The following TRAPPC9 variants were observed in gnomAD, a reference collection of about 807,000 sequenced individuals.
TRAPPC9 encodes the protein trafficking protein particle complex subunit 9.
Under a neutral mutation model 124.0 loss-of-function variants are expected in TRAPPC9, and 83 were observed. The observed-to-expected ratio is 0.67, with a 90% CI of 0.56 to 0.80. The LOEUF (loss-of-function observed/expected upper bound fraction) is 0.80. TRAPPC9 is among the 30% of genes least tolerant of loss of function. The probability of loss-of-function intolerance (pLI) is 0.00; values close to 1 mark genes in which losing one functional copy is unlikely to be tolerated. For synonymous variants in TRAPPC9, 638 were observed against 617.5 expected (o/e 1.03, Z -0.49); for missense variants, 1,302 against 1,508.3 (o/e 0.86, Z 2.27).
At chr8:139,786,215 C>T (rs1822235601) in intron 21 of TRAPPC9, among the ~76,000 whole-genome samples, 2 of 152,076 alleles carry the variant, frequency 1.3e-5, no homozygotes, top group Non-Finnish European at 2.9e-5. Flanking sequence ...CTCAAACAAA[C>T]AAACAAATAA....
At chr8:140,395,502 G>A (rs1248904520) in intron 7 of TRAPPC9, among the ~76,000 whole-genome samples, 1 of 152,154 alleles carries the variant, frequency 6.6e-6, no homozygotes, top group African/African-American at 2.4e-5. Context: ...TCATGCTAAA[G>A]CGCCTCTCTT....
chr8:140,306,173 G>C (rs2066125369), intron 10 of TRAPPC9, among the ~76,000 whole-genome samples: 1 of 152,072 alleles, frequency 6.6e-6, no homozygotes, highest in African/African-American at 2.4e-5. Context: ...ATCTTGCTTT[G>C]ACAAGAAAAA....
intron 9 of TRAPPC9, among the ~76,000 whole-genome samples, chr8:140,331,120 ACTTG>A (rs1297358449): frequency 2.6e-5 from 4 of 151,918 alleles, no homozygotes; most frequent in African/African-American, 9.7e-5. Context: ...ATAAAAACAG[ACTTG>A]TAGACCAATT....
intron 17 of TRAPPC9, among the ~76,000 whole-genome samples, chr8:140,061,040 G>A (rs979442898): frequency 2.6e-5 from 4 of 152,318 alleles, no homozygotes; most frequent in Admixed American, 1.3e-4. Context: ...CCCCACCTCC[G>A]ATGATGATTC....
chr8:139,792,015 G>A (rs529913592), intron 21 of TRAPPC9, among the ~76,000 whole-genome samples: 12 of 152,226 alleles, frequency 7.9e-5, no homozygotes, highest in Admixed American at 1.3e-4. Context: ...CTCCCACAGG[G>A]AGCCCTCCCT....
chr8:140,402,289 T>C (rs1350561021), intron 6 of TRAPPC9, among the ~76,000 whole-genome samples: 3 of 151,064 alleles, frequency 2.0e-5, no homozygotes, highest in Non-Finnish European at 4.4e-5. Context: ...CCAAGTGAGG[T>C]AGGAGGATGA....
At chr8:140,157,041 C>T (rs1271913553) in intron 17 of TRAPPC9, among the ~76,000 whole-genome samples, 4 of 108,210 alleles carry the variant, frequency 3.7e-5, no homozygotes, top group Admixed American at 1.8e-4. Flanking sequence ...TCAAAAGCCT[C>T]CCTTTTCCAT....
At chr8:140,305,527 C>G (rs1487819921) in intron 10 of TRAPPC9, among the ~76,000 whole-genome samples, 1 of 152,178 alleles carries the variant, frequency 6.6e-6, no homozygotes, top group Non-Finnish European at 1.5e-5. Context: ...GTCTCGAACT[C>G]CTGAGCTCAG....
At chr8:139,846,443 G>T (rs902160359) in intron 21 of TRAPPC9, among the ~76,000 whole-genome samples, 2 of 152,226 alleles carry the variant, frequency 1.3e-5, no homozygotes, top group African/African-American at 2.4e-5. Context: ...TCATCTCTCC[G>T]AACTGACTGC....
intron 15 of TRAPPC9, among the ~76,000 whole-genome samples, chr8:140,259,465 C>CAAA (rs895921888): frequency 2.0e-5 from 3 of 152,202 alleles, no homozygotes; most frequent in Non-Finnish European, 4.4e-5. Context: ...AGCTTCAGGA[C>CAAA]AAAGGGCCCT....
chr8:140,018,675 T>C (rs945332010), intron 18 of TRAPPC9, among the ~76,000 whole-genome samples: 2 of 152,182 alleles, frequency 1.3e-5, no homozygotes, highest in Non-Finnish European at 2.9e-5. Context: ...TCTTGCTAAA[T>C]TGACTTATTA....
intron 17 of TRAPPC9, among the ~76,000 whole-genome samples, chr8:140,159,799 A>C (rs2061713793): frequency 1.3e-5 from 2 of 152,242 alleles, no homozygotes; most frequent in African/African-American, 4.8e-5. Context: ...GTGGCCAAAC[A>C]GATGAACTGC....
chr8:140,349,042 G>A (rs1414612014), intron 9 of TRAPPC9, among the ~76,000 whole-genome samples: 1 of 150,652 alleles, frequency 6.6e-6, no homozygotes, highest in Non-Finnish European at 1.5e-5. Flanking sequence ...ACCTTGGCAA[G>A]GGAGAGGAGA....
chr8:140,089,233 C>G (rs898958520), intron 17 of TRAPPC9, among the ~76,000 whole-genome samples: 2 of 152,180 alleles, frequency 1.3e-5, no homozygotes, highest in Non-Finnish European at 2.9e-5. Context: ...CTCTTCCCCC[C>G]CGAGTGTTCC....
At chr8:140,319,911 C>T (rs770427222) in intron 9 of TRAPPC9, among the ~76,000 whole-genome samples, 9 of 152,170 alleles carry the variant, frequency 5.9e-5, no homozygotes, top group African/African-American at 1.4e-4. Context: ...CAGTGCATCA[C>T]GATTTCACAG....
intron 19 of TRAPPC9, among the ~76,000 whole-genome samples, chr8:139,965,552 T>G (rs981920005): frequency 6.6e-6 from 1 of 152,106 alleles, no homozygotes. Flanking sequence ...AGTAGAAAAT[T>G]TATCAAGAAC....
Position 140,371,089 on chromosome 8 carries a change from C to T in TRAPPC9, c.1226G>A (p.Arg409His), listed in dbSNP as rs1182738290. The T allele has an allele frequency of 2.5e-6, 4 of 1,614,238 alleles. No homozygotes were observed. Among genetic ancestry groups the T allele is most frequent in the Middle Eastern group, 1.6e-4 (1 of 6,062 alleles). Residue 409 changes from arginine (R) to histidine (H), a missense_variant, in exon 8 of 23, where the codon CGC becomes CAC. Arg to His is a conservative substitution (Grantham distance 29, BLOSUM62 0). This residue lies in a region of TRAPPC9 where 657 missense variants were observed against 811.2 expected (regional missense o/e 0.81). Coordinates refer to ENST00000438773, the MANE Select transcript of TRAPPC9 (RefSeq NM_001160372.4). ...GGCCACGCACTGCATGGCGGCCACGCGCTTGAAGAACGCAGACTTGCGATG... is the reference window on the plus strand; with the variant it reads ...GGCCACGCACTGCATGGCGGCCACGTGCTTGAAGAACGCAGACTTGCGATG... ...GFHRKSAFFK[R>H]VAAMQCVAPS...
intron 2 of TRAPPC9, among the ~76,000 whole-genome samples, chr8:140,443,891 C>A (rs925062695): frequency 6.6e-6 from 1 of 151,660 alleles, no homozygotes; most frequent in Non-Finnish European, 1.5e-5. Flanking sequence ...ACAAAATTAG[C>A]CAGGCGTGGT....
intron 19 of TRAPPC9, among the ~76,000 whole-genome samples, chr8:139,981,203 TG>T (rs1398151662): frequency 3.3e-5 from 5 of 152,150 alleles, no homozygotes; most frequent in Non-Finnish European, 2.9e-5. Flanking sequence ...TGCTCATTAG[TG>T]GGGCCAGTGG....
Sources: gnomAD v4.1 joint callset for allele counts (sites outside exome capture counted in the v4.1 genomes callset) on GRCh38, gnomAD v4.1.1 for gene constraint, gnomAD v4.1.1 regional missense constraint, MANE v1.5 for transcripts, NCBI Gene and HGNC (gene_info 2026-07-23, HGNC 2026-07-21) for gene names.